The following TOX variants were observed in gnomAD, a reference collection of about 807,000 sequenced individuals.
TOX encodes thymocyte selection-associated high mobility group box protein TOX.
A neutral mutation model predicts 53.7 loss-of-function variants in TOX; 11 were observed. The ratio of observed to expected loss-of-function variants is 0.20; its 90% CI spans 0.13 to 0.34. TOX has a LOEUF of 0.34. Ranked by LOEUF, TOX falls within the 10% of genes least tolerant of loss-of-function variation. The probability of loss-of-function intolerance (pLI) is 1.00; values close to 1 mark genes in which losing one functional copy is unlikely to be tolerated. For missense variants in TOX, 570 were observed against 664.6 expected (o/e 0.86, Z 1.56); for synonymous variants, 225 against 245.3 (o/e 0.92, Z 0.77).
rs949881750 is a variant in TOX at position 59,089,951 on chromosome 8, T to A, written c.102+28935A>T. ...GAACTTAAGGCTTTATGGCCAGCAT[T>A]CTCCAGTGATGGTCTATCAGACTGA... On this transcript the variant is annotated intron_variant, in intron 1 of 8. Coordinates refer to ENST00000361421, the MANE Select transcript of TOX (RefSeq NM_014729.3). 5.3e-5 allele frequency among the ~76,000 whole-genome samples: 8 copies of A among 152,188 alleles called. 1 individual carries two copies. The highest frequency in any genetic ancestry group is 1.3e-4 in the Admixed American group (2 of 15,288).
At chr8:59,026,611 C>G (rs962177176) in intron 1 of TOX, among the ~76,000 whole-genome samples, 1 of 152,096 alleles carries the variant, frequency 6.6e-6, no homozygotes, top group South Asian at 2.1e-4. Context: ...TTGTCAGTCC[C>G]ATAAGCCTGT....
intron 3 of TOX, among the ~76,000 whole-genome samples, chr8:58,937,701 C>T (rs774968815): frequency 5.3e-5 from 8 of 152,120 alleles, no homozygotes; most frequent in Admixed American, 2.6e-4. Flanking sequence ...TTGAATATCT[C>T]ATTATCCTTC....
intron 1 of TOX, among the ~76,000 whole-genome samples, chr8:59,100,358 A>G (rs904315572): frequency 6.6e-6 from 1 of 152,152 alleles, no homozygotes; most frequent in Non-Finnish European, 1.5e-5. Context: ...GGTGCTTTCT[A>G]TTTGTGGTGT....
At chr8:58,921,084 CAG>C (rs3083367) in intron 3 of TOX, among the ~76,000 whole-genome samples, 52,566 of 151,888 alleles carry the variant, frequency 0.35, 9,480 homozygotes, top group Non-Finnish European at 0.39. Flanking sequence ...AAAGGAAACA[CAG>C]AGAACCAGGA....
intron 3 of TOX, among the ~76,000 whole-genome samples, chr8:58,861,133 C>G (rs181268523): frequency 6.6e-6 from 1 of 152,104 alleles, no homozygotes; most frequent in Non-Finnish European, 1.5e-5. Flanking sequence ...TCCTGCCCAG[C>G]GAAAATAAAG....
chr8:59,044,083 A>C (rs1157720112), intron 1 of TOX, among the ~76,000 whole-genome samples: 2 of 152,134 alleles, frequency 1.3e-5, no homozygotes, highest in Non-Finnish European at 2.9e-5. Context: ...CTGGTGTAAC[A>C]CTTAAAAACC....
intron 3 of TOX, among the ~76,000 whole-genome samples, chr8:58,923,006 G>T (rs1812097596): frequency 1.3e-5 from 2 of 152,198 alleles, no homozygotes; most frequent in South Asian, 4.1e-4. Flanking sequence ...CAGAAAACCA[G>T]TGTGACTAGC....
At chr8:58,847,822 A>C (rs573389890) in intron 4 of TOX, among the ~76,000 whole-genome samples, 7 of 152,140 alleles carry the variant, frequency 4.6e-5, no homozygotes, top group Non-Finnish European at 8.8e-5. Context: ...CAATAGTGAA[A>C]ACAAGGATTC....
At chr8:58,932,804 C>T (rs1455330788) in intron 3 of TOX, among the ~76,000 whole-genome samples, 2 of 152,036 alleles carry the variant, frequency 1.3e-5, no homozygotes. Flanking sequence ...CTGTATAGCA[C>T]CTATGAAAGC....
chr8:58,817,154 T>C (rs142680234), intron 6 of TOX, among the ~76,000 whole-genome samples: 1 of 152,182 alleles, frequency 6.6e-6, no homozygotes, highest in East Asian at 1.9e-4. Context: ...CCACGCACAG[T>C]ATAAAGTAAG....
At chr8:58,857,773 CTTTT>C (rs886744932) in intron 3 of TOX, among the ~76,000 whole-genome samples, 1 of 150,046 alleles carries the variant, frequency 6.7e-6, no homozygotes, top group African/African-American at 2.4e-5. Flanking sequence ...GATTTTCTTT[CTTTT>C]TTTTTTCTTT....
chr8:58,996,416 C>T (rs1193301567), intron 1 of TOX, among the ~76,000 whole-genome samples: 1 of 152,196 alleles, frequency 6.6e-6, no homozygotes, highest in Admixed American at 6.5e-5. Context: ...CAATCCTGCA[C>T]ACAGATTAGA....
At chr8:58,883,290 C>T (rs574056032) in intron 3 of TOX, among the ~76,000 whole-genome samples, 128 of 152,312 alleles carry the variant, frequency 8.4e-4, no homozygotes, top group African/African-American at 3.1e-3. Flanking sequence ...ACTCTCTGGC[C>T]TCAGTTTTCT....
At chr8:58,842,924 T>G (rs1287862255) in intron 4 of TOX, among the ~76,000 whole-genome samples, 2 of 152,208 alleles carry the variant, frequency 1.3e-5, no homozygotes, top group African/African-American at 4.8e-5. Flanking sequence ...TGCTCAAAGT[T>G]TTGTTTAATA....
chr8:59,074,419 C>T (rs1019029505), intron 1 of TOX, among the ~76,000 whole-genome samples: 17 of 152,184 alleles, frequency 1.1e-4, no homozygotes, highest in African/African-American at 4.1e-4. Context: ...ATTGAATGAA[C>T]ATCTATAAGC....
intron 2 of TOX, among the ~76,000 whole-genome samples, chr8:58,955,927 G>A (rs1004906551): frequency 1.3e-5 from 2 of 151,876 alleles, no homozygotes; most frequent in African/African-American, 4.8e-5. Context: ...TAGAGATGGG[G>A]CTTTGCTATG....
chr8:58,841,357 G>A (rs1312464375), intron 4 of TOX, among the ~76,000 whole-genome samples: 1 of 152,138 alleles, frequency 6.6e-6, no homozygotes, highest in African/African-American at 2.4e-5. Context: ...CACGTATCAT[G>A]GTCCCTGATA....
At chr8:58,996,994 G>A (rs1053428093) in intron 1 of TOX, among the ~76,000 whole-genome samples, 1 of 152,174 alleles carries the variant, frequency 6.6e-6, no homozygotes, top group South Asian at 2.1e-4. Flanking sequence ...TACCTAAGTA[G>A]TTTTAGAAAT....
At chr8:58,932,427 A>G (rs1812271549) in intron 3 of TOX, among the ~76,000 whole-genome samples, 1 of 152,178 alleles carries the variant, frequency 6.6e-6, no homozygotes, top group African/African-American at 2.4e-5. Flanking sequence ...GAAAGAAACA[A>G]GCTGCGGTGA....
Sources: allele counts gnomAD v4.1 joint callset (sites outside exome capture counted in the v4.1 genomes callset), GRCh38; gene constraint gnomAD v4.1.1; transcripts MANE v1.5; gene names NCBI Gene and HGNC (gene_info 2026-07-23, HGNC 2026-07-21).